Variants in NTRK3 observed in about 807,000 individuals in gnomAD.
NTRK3 encodes NT-3 growth factor receptor.
Under a neutral mutation model 91.7 loss-of-function variants are expected in NTRK3, and 24 were observed. The ratio of observed to expected loss-of-function variants is 0.26; its 90% CI spans 0.19 to 0.37. NTRK3 has a LOEUF of 0.37. NTRK3 is among the 10% of genes least tolerant of loss of function. NTRK3 has a pLI of 1.00. For missense variants in NTRK3, 880 were observed against 1,068.9 expected (o/e 0.82, Z 2.46); for synonymous variants, 483 against 404.0 (o/e 1.20, Z -2.34).
intron 10 of NTRK3, among the ~76,000 whole-genome samples, chr15:88,129,717 C>A (rs1480488756): frequency 1.3e-5 from 2 of 152,134 alleles, no homozygotes; most frequent in Non-Finnish European, 2.9e-5. Flanking sequence ...GGAGACAGGG[C>A]ACAGGAGCCA....
At chr15:88,144,044 A>G (rs1180028063) in intron 6 of NTRK3, 1 of 152,130 alleles carries the variant, frequency 6.6e-6, no homozygotes, top group African/African-American at 2.4e-5. Flanking sequence ...CCTAAATTGT[A>G]TCTTGAGATT....
At chr15:87,947,106 C>T (rs186955567) in intron 14 of NTRK3, among the ~76,000 whole-genome samples, 2 of 152,058 alleles carry the variant, frequency 1.3e-5, no homozygotes, top group East Asian at 1.9e-4. Flanking sequence ...CTCAAACTCC[C>T]GACCTCAGGT....
chr15:87,873,805 T>C (rs559533516), exon 19 of NTRK3: 3 of 231,930 alleles, frequency 1.3e-5, no homozygotes, highest in African/African-American at 6.6e-5. Flanking sequence ...CTTACAGTCG[T>C]CTCAGACACT....
chr15:88,076,766 CATT>C (rs1164410284), intron 13 of NTRK3, among the ~76,000 whole-genome samples: 2 of 150,324 alleles, frequency 1.3e-5, no homozygotes, highest in African/African-American at 4.9e-5. Context: ...GGGGGCCTAA[CATT>C]ATCCAGCAAG....
chr15:88,110,088 G>C (rs1427368642), intron 13 of NTRK3, among the ~76,000 whole-genome samples: 3 of 152,134 alleles, frequency 2.0e-5, no homozygotes, highest in African/African-American at 7.2e-5. Context: ...CCAAGCAGCA[G>C]AACTGAGATT....
intron 17 of NTRK3, among the ~76,000 whole-genome samples, chr15:87,920,830 C>A (rs2067807098): frequency 6.6e-6 from 1 of 152,100 alleles, no homozygotes; most frequent in Non-Finnish European, 1.5e-5. Context: ...GGGGATCCAT[C>A]CCCTCACCCC....
At chr15:87,985,235 T>C (rs1352096365) in intron 14 of NTRK3, among the ~76,000 whole-genome samples, 1 of 152,176 alleles carries the variant, frequency 6.6e-6, no homozygotes, top group African/African-American at 2.4e-5. Flanking sequence ...AGCATAATGC[T>C]GGAAAAAGCT....
chr15:87,940,839 G>A (rs1259493664), intron 14 of NTRK3, 86 bp from the exon 15 acceptor site: 2 of 1,596,840 alleles, frequency 1.3e-6, no homozygotes, highest in Non-Finnish European at 1.7e-6. Flanking sequence ...GGTCTAGCGT[G>A]GAGAACTTGG....
intron 17 of NTRK3, among the ~76,000 whole-genome samples, chr15:87,897,868 C>G (rs566350148): frequency 6.6e-6 from 1 of 152,178 alleles, no homozygotes; most frequent in Non-Finnish European, 1.5e-5. Flanking sequence ...AATAGAGGAT[C>G]CAAAAGAACG....
intron 3 of NTRK3, among the ~76,000 whole-genome samples, chr15:88,195,164 CA>C (rs948712885): frequency 6.6e-6 from 1 of 152,206 alleles, no homozygotes; most frequent in African/African-American, 2.4e-5. Context: ...AGACAGCCCC[CA>C]CCCCCAACAG....
intron 6 of NTRK3, among the ~76,000 whole-genome samples, chr15:88,145,628 A>G (rs564695776): frequency 6.6e-6 from 1 of 152,340 alleles, no homozygotes; most frequent in East Asian, 1.9e-4. Flanking sequence ...GCAGCACACC[A>G]TTGATTTCAC....
intron 18 of NTRK3, among the ~76,000 whole-genome samples, 181 bp downstream of exon 19, chr15:87,880,089 C>T (rs865943809): frequency 1.1e-4 from 17 of 152,010 alleles, no homozygotes; most frequent in African/African-American, 3.2e-4. Context: ...AATTACACCA[C>T]ATTTCCTACA....
intron 17 of NTRK3, among the ~76,000 whole-genome samples, chr15:87,919,348 G>A (rs566933336): frequency 6.6e-6 from 1 of 152,270 alleles, no homozygotes; most frequent in East Asian, 1.9e-4. Flanking sequence ...ACTGCAGGGA[G>A]AATTCACAAA....
intron 3 of NTRK3, among the ~76,000 whole-genome samples, chr15:88,202,924 G>A (rs2048425806): frequency 6.6e-6 from 1 of 152,212 alleles, no homozygotes; most frequent in South Asian, 2.1e-4. Flanking sequence ...GGGGCTGGAT[G>A]AGACACTGCA....
chr15:88,199,965 A>G (rs1402763583), intron 3 of NTRK3, among the ~76,000 whole-genome samples: 2 of 152,222 alleles, frequency 1.3e-5, no homozygotes, highest in African/African-American at 2.4e-5. Flanking sequence ...GGTGGGAGTC[A>G]GGGGAGTCAG....
At chr15:88,064,922 C>A (rs977273720) in intron 13 of NTRK3, among the ~76,000 whole-genome samples, 1 of 152,196 alleles carries the variant, frequency 6.6e-6, no homozygotes, top group African/African-American at 2.4e-5. Context: ...TACTTTCAGA[C>A]TGAGGGCTTT....
chr15:88,116,360 G>A (rs2052067400), intron 13 of NTRK3, among the ~76,000 whole-genome samples: 1 of 151,988 alleles, frequency 6.6e-6, no homozygotes, highest in South Asian at 2.1e-4. Context: ...CCAGATGGGT[G>A]CATCACCTCA....
At chr15:87,949,450 G>A (rs1043488008) in intron 14 of NTRK3, among the ~76,000 whole-genome samples, 4 of 152,070 alleles carry the variant, frequency 2.6e-5, no homozygotes, top group Admixed American at 6.5e-5. Context: ...CTAGGACACC[G>A]AGACACTGTG....
intron 17 of NTRK3, among the ~76,000 whole-genome samples, chr15:87,890,989 T>C (rs1285411864): frequency 6.6e-6 from 1 of 152,234 alleles, no homozygotes; most frequent in African/African-American, 2.4e-5. Context: ...TTTTCTCATA[T>C]CAAATTTACA....
Sources: allele counts gnomAD v4.1 joint callset (sites outside exome capture counted in the v4.1 genomes callset), GRCh38; gene constraint gnomAD v4.1.1; transcripts MANE v1.5; gene names NCBI Gene and HGNC (gene_info 2026-07-23, HGNC 2026-07-21).